The following DOK6 variants were observed in gnomAD, a reference collection of about 807,000 sequenced individuals.
DOK6 encodes downstream of tyrosine kinase 6.
In DOK6, 22 loss-of-function variants were observed where a neutral mutation model predicts 44.0. That is an observed-to-expected ratio of 0.50 (90% CI 0.36 to 0.71). DOK6 has a LOEUF of 0.71. Ranked by LOEUF, DOK6 falls within the 30% of genes least tolerant of loss-of-function variation. The pLI, the probability that DOK6 is intolerant of heterozygous loss-of-function variation, is 0.00. For missense variants in DOK6, 340 were observed against 416.4 expected, an observed-to-expected ratio of 0.82 and a Z score of 1.60; for synonymous variants, 166 against 145.5, an observed-to-expected ratio of 1.14 and a Z score of -1.01.
chr18:69,548,951 T>C (rs1330590592), intron 1 of DOK6, among the ~76,000 whole-genome samples: 3 of 150,848 alleles, frequency 2.0e-5, no homozygotes, highest in Admixed American at 6.6e-5. Context: ...AAAAATTAGC[T>C]GGGCGAGGTG....
chr18:69,417,931 G>A (rs1182112733), intron 1 of DOK6, among the ~76,000 whole-genome samples: 1 of 151,892 alleles, frequency 6.6e-6, no homozygotes, highest in Non-Finnish European at 1.5e-5. Context: ...GAGTTGTTTG[G>A]GTTATTTATG....
intron 2 of DOK6, among the ~76,000 whole-genome samples, chr18:69,590,335 A>G (rs1983595146): frequency 6.6e-6 from 1 of 152,192 alleles, no homozygotes; most frequent in Non-Finnish European, 1.5e-5. Flanking sequence ...AGGTCTGTCC[A>G]GGAATGAATT....
intron 2 of DOK6, among the ~76,000 whole-genome samples, chr18:69,592,084 A>T (rs1485634939): frequency 1.3e-5 from 2 of 152,036 alleles, no homozygotes; most frequent in Non-Finnish European, 2.9e-5. Context: ...GTTGGTATTA[A>T]TTCATTTATT....
intron 3 of DOK6, among the ~76,000 whole-genome samples, chr18:69,616,984 T>A (rs894801016): frequency 2.6e-5 from 4 of 152,216 alleles, no homozygotes; most frequent in African/African-American, 4.8e-5. Context: ...ACTTTTAAAT[T>A]TAAACTTTCT....
At chr18:69,565,326 T>C (rs976159901) in intron 2 of DOK6, among the ~76,000 whole-genome samples, 11 of 152,158 alleles carry the variant, frequency 7.2e-5, no homozygotes, top group African/African-American at 2.7e-4. Flanking sequence ...TGTGGAATTT[T>C]ATTTTATGTA....
intron 2 of DOK6, among the ~76,000 whole-genome samples, chr18:69,598,000 A>C (rs1983786190): frequency 6.6e-6 from 1 of 152,164 alleles, no homozygotes; most frequent in African/African-American, 2.4e-5. Context: ...CACTCTCTGT[A>C]GTCTCCATTC....
intron 6 of DOK6, among the ~76,000 whole-genome samples, chr18:69,744,943 A>AC (rs1013738598): frequency 2.0e-5 from 3 of 151,302 alleles, no homozygotes; most frequent in Non-Finnish European, 4.4e-5. Context: ...AAAAAAAAAA[A>AC]AAAACACCCA....
At chr18:69,776,647 T>C (rs1373775265) in intron 7 of DOK6, among the ~76,000 whole-genome samples, 1 of 151,996 alleles carries the variant, frequency 6.6e-6, no homozygotes, top group Non-Finnish European at 1.5e-5. Context: ...GAAACATCAA[T>C]ACTAAAGACA....
chr18:69,637,457 A>G (rs1192140585), intron 3 of DOK6, among the ~76,000 whole-genome samples: 1 of 152,154 alleles, frequency 6.6e-6, no homozygotes, highest in Non-Finnish European at 1.5e-5. Context: ...ATTCCATTTT[A>G]TCTTTGTTTT....
At chr18:69,595,545 A>G (rs918323245) in intron 2 of DOK6, among the ~76,000 whole-genome samples, 3 of 152,102 alleles carry the variant, frequency 2.0e-5, no homozygotes, top group Admixed American at 6.6e-5. Context: ...TTTCCCATAA[A>G]CTTTTTGTGA....
intron 1 of DOK6, among the ~76,000 whole-genome samples, chr18:69,509,616 C>T (rs931951692): frequency 3.9e-4 from 43 of 110,120 alleles, no homozygotes; most frequent in East Asian, 3.1e-3. Context: ...CCAGCCTGGG[C>T]AACAGAGCTA....
chr18:69,547,357 C>T (rs1320873184), intron 1 of DOK6, among the ~76,000 whole-genome samples: 1 of 151,452 alleles, frequency 6.6e-6, no homozygotes, highest in East Asian at 1.9e-4. Context: ...TCTCGGCCTC[C>T]CAAAATGCTG....
intron 7 of DOK6, among the ~76,000 whole-genome samples, chr18:69,772,303 T>C (rs1005488370): frequency 4.6e-5 from 7 of 152,020 alleles, no homozygotes; most frequent in African/African-American, 1.2e-4. Flanking sequence ...AAAGCATCCA[T>C]AGAGTCAATG....
intron 3 of DOK6, among the ~76,000 whole-genome samples, chr18:69,634,023 T>C (rs1984748929): frequency 6.6e-6 from 1 of 151,774 alleles, no homozygotes; most frequent in Non-Finnish European, 1.5e-5. Flanking sequence ...GTGACTTTGA[T>C]CTAATCATAA....
intron 1 of DOK6, among the ~76,000 whole-genome samples, chr18:69,540,150 A>G (rs1982231973): frequency 6.6e-6 from 1 of 152,150 alleles, no homozygotes; most frequent in African/African-American, 2.4e-5. Context: ...ACATGTGGGG[A>G]TTATGGGGAT....
At chr18:69,737,594 T>G (rs1978653596) in intron 5 of DOK6, among the ~76,000 whole-genome samples, 1 of 152,192 alleles carries the variant, frequency 6.6e-6, no homozygotes, top group Non-Finnish European at 1.5e-5. Flanking sequence ...TCATCTAGGC[T>G]TAGGTACAAA....
chr18:69,596,367 C>T (rs1286273540), intron 2 of DOK6, among the ~76,000 whole-genome samples: 1 of 152,004 alleles, frequency 6.6e-6, no homozygotes, highest in East Asian at 1.9e-4. Context: ...TACTGTCATT[C>T]CAGATCCAGA....
intron 7 of DOK6, among the ~76,000 whole-genome samples, chr18:69,767,626 G>A (rs895972399): frequency 6.6e-6 from 1 of 151,782 alleles, no homozygotes; most frequent in Admixed American, 6.6e-5. Context: ...TTACTAATTA[G>A]CTTACCCTAA....
chr18:69,459,664 A>G (rs910562546), intron 1 of DOK6, among the ~76,000 whole-genome samples: 7 of 152,308 alleles, frequency 4.6e-5, no homozygotes, highest in African/African-American at 1.7e-4. Flanking sequence ...TATATTCACC[A>G]TCACTAAGCT....
Sources: gnomAD v4.1 joint callset for allele counts (sites outside exome capture counted in the v4.1 genomes callset) on GRCh38, gnomAD v4.1.1 for gene constraint, MANE v1.5 for transcripts, NCBI Gene and HGNC (gene_info 2026-07-23, HGNC 2026-07-21) for gene names.